The following CCDC28A variants were observed in gnomAD, a reference collection of about 807,000 sequenced individuals.
The protein encoded by CCDC28A is coiled-coil domain containing 28A, also known as coiled-coil domain-containing protein 28A.
CCDC28A carries 24 observed loss-of-function variants against 22.1 expected under a neutral mutation model. The observed-to-expected ratio is 1.09, with a 90% CI of 0.79 to 1.53. The LOEUF is 1.53. Ranked by LOEUF, CCDC28A falls within the 40% of genes most tolerant of loss-of-function variation. The pLI, the probability that CCDC28A is intolerant of heterozygous loss-of-function variation, is 0.00. For synonymous variants in CCDC28A, 83 were observed against 74.7 expected, an observed-to-expected ratio of 1.11 and a Z score of -0.57; for missense variants, 170 against 210.7, an observed-to-expected ratio of 0.81 and a Z score of 1.20.
At chr6:138,775,836 TA>T in intron 1 of CCDC28A, among the ~76,000 whole-genome samples, 1 of 152,238 alleles carries the variant, frequency 6.6e-6, no homozygotes, top group South Asian at 2.1e-4. Context: ...TAAATATTTG[TA>T]GGATGAAGAA....
intron 2 of CCDC28A, 132 bp downstream of exon 2, chr6:138,776,410 A>G (rs1271619040): frequency 1.5e-6 from 1 of 681,306 alleles, no homozygotes; most frequent in Non-Finnish European, 2.5e-6. Context: ...TGCGTGATTT[A>G]GAAGAAAAAT....
intron 5 of CCDC28A, among the ~76,000 whole-genome samples, 158 bp downstream of exon 5, chr6:138,788,546 TTTTC>T (rs1451480599): frequency 6.6e-6 from 1 of 150,920 alleles, no homozygotes; most frequent in Non-Finnish European, 1.5e-5. Flanking sequence ...TTTGGTTTTC[TTTTC>T]TTTCTCTTTT....
intron 2 of CCDC28A, among the ~76,000 whole-genome samples, chr6:138,778,272 C>T (rs991836739): frequency 3.3e-5 from 5 of 152,052 alleles, no homozygotes; most frequent in South Asian, 2.1e-4. Context: ...AATATACTTC[C>T]GTGTCGGGAT....
chr6:138,787,396 A>G (rs1775109309), intron 4 of CCDC28A, among the ~76,000 whole-genome samples: 1 of 152,026 alleles, frequency 6.6e-6, no homozygotes, highest in Admixed American at 6.6e-5. Flanking sequence ...TTAATTTTGA[A>G]CTTTCCTACC....
At chr6:138,780,784 G>T (rs978179279) in intron 3 of CCDC28A, among the ~76,000 whole-genome samples, 2 of 149,228 alleles carry the variant, frequency 1.3e-5, no homozygotes, top group African/African-American at 4.9e-5. Flanking sequence ...TGTTAGCCAG[G>T]ATGGGTCTCC....
chr6:138,782,082 C>CCCT (rs1478438212), intron 3 of CCDC28A, among the ~76,000 whole-genome samples: 2 of 152,278 alleles, frequency 1.3e-5, no homozygotes, highest in African/African-American at 4.8e-5. Flanking sequence ...TTCCCTTCTT[C>CCCT]CCTCCTACCC....
rs1368779728 is a variant in CCDC28A at position 138,785,211 on chromosome 6, C to G, written c.323-16C>G. 6.2e-7 allele frequency: 1 copy of G among 1,600,274 alleles called. No individual in the cohort carries two copies. The stretch of plus-strand genomic sequence containing the variant: ...AACTGTCCTAATCATTATTAATGTT[C>G]TGGAATGTTCCCAAGGAAATGAATG... On this transcript the variant is annotated splice_polypyrimidine_tract_variant and intron_variant, in intron 3 of 5. Transcript: ENST00000617445.
chr6:138,790,907 A>T (rs74922292), intron 5 of CCDC28A, among the ~76,000 whole-genome samples: 2 of 152,108 alleles, frequency 1.3e-5, no homozygotes, highest in African/African-American at 2.4e-5. Context: ...CACTCTCTAC[A>T]TGATAATCCA....
intron 4 of CCDC28A, among the ~76,000 whole-genome samples, chr6:138,787,448 C>A (rs758061511): frequency 1.3e-5 from 2 of 152,094 alleles, no homozygotes; most frequent in Non-Finnish European, 2.9e-5. Flanking sequence ...TTATAAGCCA[C>A]CAGTTTATGG....
At chr6:138,780,122 C>G (rs1223787293) in intron 3 of CCDC28A, 137 bp downstream of exon 3, 1 of 598,194 alleles carries the variant, frequency 1.7e-6, no homozygotes, top group African/African-American at 1.9e-5. Context: ...AGGCAATCAT[C>G]CTAGATTTTG....
chr6:138,776,318 T>C lies in CCDC28A; in HGVS notation c.158+40T>C, dbSNP rs979849915. ...TTTACATGTTCACAGTAAAATGCCA[T>C]TAAAGTAAATCCTGACTCAACTTCT... On this transcript the variant is annotated intron_variant, in intron 2 of 5. Coordinates refer to ENST00000617445, the MANE Select transcript of CCDC28A (RefSeq NM_015439.3). 6 of 1,490,196 alleles carry C rather than the reference T, an allele frequency of 4.0e-6. No individual in the cohort carries two copies. In the Admixed American group the frequency reaches 1.0e-4, roughly 25 times the overall value. The allele number at this position is 1,490,196 out of a possible 1,614,324, so 92.3% of individuals were successfully genotyped here.
chr6:138,792,740 T>C lies in CCDC28A; in HGVS notation c.501-9T>C, dbSNP rs369149389. 1.3e-6 allele frequency: 2 copies of C among 1,534,468 alleles called. No individual in the cohort carries two copies. The highest frequency in any genetic ancestry group is 9.0e-7 in the Non-Finnish European group (1 of 1,113,918). ...ATAGAATGAAAATCTTCTTAACTGA[T>C]TAATTCAGACAAAAACTCCATTTGG... On this transcript the variant is annotated splice_polypyrimidine_tract_variant and intron_variant, in intron 5 of 5. Transcript: ENST00000617445.
At chr6:138,779,278 C>T (rs1327021215) in intron 2 of CCDC28A, among the ~76,000 whole-genome samples, 2 of 152,126 alleles carry the variant, frequency 1.3e-5, no homozygotes, top group African/African-American at 2.4e-5. Context: ...GATAGGACTT[C>T]ATGACTGCAT....
rs751461177 is a variant in CCDC28A, at chr6:138,776,268, A to G, written c.148A>G (p.Lys50Glu). ...ATCACAGTCAACTTCACAGCGACCA[A>G]AGTTAAAAAGGTGAATTCTTTTATT... ...PASQSTSQRP[K>E]LKRVMKEKTK... The change falls in exon 2 of 6, where the codon AAG becomes GAG. Residue 50 changes from lysine to glutamate, a missense_variant. Coordinates refer to ENST00000617445, the MANE Select transcript of CCDC28A (RefSeq NM_015439.3). 1 of 1,612,478 alleles carries G rather than the reference A, an allele frequency of 6.2e-7. No individual in the cohort carries two copies. The highest frequency in any genetic ancestry group is 8.5e-7 in the Non-Finnish European group (1 of 1,178,502).
intron 5 of CCDC28A, among the ~76,000 whole-genome samples, chr6:138,788,767 CTTG>C (rs1335703099): frequency 2.0e-5 from 3 of 151,692 alleles, no homozygotes; most frequent in South Asian, 2.1e-4. Context: ...ATGGAATTTT[CTTG>C]TTGTTTTCTA....
chr6:138,791,740 T>G (rs1179744371), intron 5 of CCDC28A, among the ~76,000 whole-genome samples: 6 of 152,226 alleles, frequency 3.9e-5, no homozygotes, highest in Admixed American at 2.0e-4. Context: ...AGGATTTCAT[T>G]TGTACCTTAA....
chr6:138,783,523 C>T (rs1583522725), intron 3 of CCDC28A, among the ~76,000 whole-genome samples: 1 of 151,260 alleles, frequency 6.6e-6, no homozygotes, highest in East Asian at 1.9e-4. Context: ...CTGCAAGCTT[C>T]GCCTCCCAGA....
intron 2 of CCDC28A, among the ~76,000 whole-genome samples, chr6:138,778,397 G>T (rs1774968052): frequency 6.6e-6 from 1 of 152,122 alleles, no homozygotes; most frequent in South Asian, 2.1e-4. Flanking sequence ...AGCCTTCTCT[G>T]GTTGGTCCCA....
Position 138,776,074 on chromosome 6 carries a change from T to C in CCDC28A, c.-42-5T>C, listed in dbSNP as rs1562437800. 6.2e-7 allele frequency: 1 copy of C among 1,611,692 alleles called. No homozygotes were observed. Reference sequence around the variant, plus strand: ...ACATATATAATTGCTGTATTCCTTATTTAGGTCTTAAGAAGCTGGCCGTGG... The same window carrying C: ...ACATATATAATTGCTGTATTCCTTACTTAGGTCTTAAGAAGCTGGCCGTGG... On this transcript the variant is annotated splice_region_variant and splice_polypyrimidine_tract_variant and intron_variant, in intron 1 of 5. Transcript: ENST00000617445.
Sources: gnomAD v4.1 joint callset for allele counts (sites outside exome capture counted in the v4.1 genomes callset) on GRCh38, gnomAD v4.1.1 for gene constraint, MANE v1.5 for transcripts, NCBI Gene and HGNC (gene_info 2026-07-23, HGNC 2026-07-21) for gene names.